The following LATS1 variants were observed in gnomAD, a reference collection of about 807,000 sequenced individuals.
LATS1 encodes the protein serine/threonine-protein kinase LATS1.
A neutral mutation model predicts 106.6 loss-of-function variants in LATS1; 25 were observed. The ratio of observed to expected loss-of-function variants is 0.23; its 90% CI spans 0.17 to 0.33. The LOEUF (loss-of-function observed/expected upper bound fraction) is 0.33, where lower values mean the gene tolerates loss of function less well. LATS1 is among the 10% of genes least tolerant of loss of function. LATS1 has a pLI of 1.00. For synonymous variants in LATS1, 465 were observed against 455.6 expected, an observed-to-expected ratio of 1.02 and a Z score of -0.26; for missense variants, 1,040 against 1,382.6, an observed-to-expected ratio of 0.75 and a Z score of 3.93.
At chr6:149,706,484 T>G (rs1783780200) in intron 1 of LATS1, among the ~76,000 whole-genome samples, 1 of 151,732 alleles carries the variant, frequency 6.6e-6, no homozygotes, top group Non-Finnish European at 1.5e-5. Flanking sequence ...CACTCCAGCC[T>G]AGGAGAGACA....
intron 1 of LATS1, among the ~76,000 whole-genome samples, chr6:149,708,393 C>CG: frequency 7.3e-6 from 1 of 136,606 alleles, no homozygotes; most frequent in South Asian, 2.3e-4. Context: ...CCAGCCTGGG[C>CG]GACAGAGCGA....
rs1457435764 is a variant in LATS1 at position 149,680,872 on chromosome 6, T to C, written c.2011-415A>G. 3.9e-5 allele frequency among the ~76,000 whole-genome samples: 6 copies of C among 152,144 alleles called. No individual in the cohort carries two copies. In the South Asian group the frequency reaches 1.2e-3, roughly 32 times the overall value. ...CTAGGCCTCAAATATTCTTCCTATT[T>C]TGTCTTTCATGAAAAAAAATTCTTC... On this transcript the variant is annotated intron_variant, in intron 4 of 7. Coordinates refer to ENST00000543571, the MANE Select transcript of LATS1 (RefSeq NM_004690.4).
intron 2 of LATS1, among the ~76,000 whole-genome samples, chr6:149,696,537 C>CA (rs1356321785): frequency 2.2e-5 from 2 of 92,068 alleles, no homozygotes; most frequent in Non-Finnish European, 3.9e-5. Flanking sequence ...CCAGCCTGGG[C>CA]AACAAGAGTA....
chr6:149,705,227 G>T (rs1783696797), intron 1 of LATS1, among the ~76,000 whole-genome samples: 2 of 152,088 alleles, frequency 1.3e-5, no homozygotes. Context: ...AAGGAAGCTG[G>T]TCCCTAAAGC....
In LATS1 at chr6:149,662,966, CAA is replaced by C. The variant is rs61479102; in HGVS notation, c.2884-730_2884-729del. ...GTGTGACAGAGCGAGACACTGTCTC[CAA>C]AAAAAAAAAAAAAAAAAAAGAAAAA... is the stretch of plus-strand genomic sequence containing the variant. On this transcript the variant is annotated intron_variant, in intron 7 of 7. Transcript: ENST00000543571. Among the ~76,000 whole-genome samples the C allele has an allele frequency of 5.4e-3, 515 of 96,248 alleles. 4 individuals are homozygous for C. The highest frequency in any genetic ancestry group is 0.017 in the African/African-American group (435 of 25,830). The allele number at this position is 96,248 out of a possible 152,430, so 63.1% of individuals were successfully genotyped here.
At chr6:149,704,492 TG>T (rs1251363251) in intron 1 of LATS1, among the ~76,000 whole-genome samples, 1,336 of 126,886 alleles carry the variant, frequency 0.011, 24 homozygotes, top group Middle Eastern at 0.07. Context: ...GTTTTTTTTT[TG>T]TTTTTTTTTT....
chr6:149,685,747 A>T (rs1782340462), intron 3 of LATS1, among the ~76,000 whole-genome samples: 2 of 152,322 alleles, frequency 1.3e-5, no homozygotes, highest in South Asian at 4.1e-4. Flanking sequence ...ATATTAAATA[A>T]AGTATAGATT....
At position 149,676,615 on chromosome 6, in the gene LATS1, G is replaced by A. The variant is rs753374537; in HGVS notation, c.2716C>T (p.Leu906=). The A allele has an allele frequency of 6.2e-7, 1 of 1,614,116 alleles. No homozygotes were observed. The highest frequency in any genetic ancestry group is 1.7e-5 in the Admixed American group (1 of 60,022). Residue 906 remains leucine (L), a synonymous_variant, in exon 6 of 8, where the codon CTA becomes TTA. Transcript: ENST00000543571. ...GGAGTCCCAACCAAAGAATGTGCTA[G>A]ACATCGCTGGTGCTGGCGTGCAGCT... ...RRAARQHQRC[L]AHSLVGTPNY... is the part of the protein sequence containing the mutation.
In LATS1 at chr6:149,688,019, C is replaced by T. The variant is rs960531167; in HGVS notation, c.497-3427G>A. 7.2e-5 allele frequency among the ~76,000 whole-genome samples: 11 copies of T among 152,022 alleles called. No individual in the cohort carries two copies. The East Asian group carries it at 1.4e-3, about 19-fold the overall frequency. ...CCTCCTGAGTAGCTAGGACTACAGG[C>T]GCCCACCACCACGCCCAGCTAAGGT... On this transcript the variant is annotated intron_variant, in intron 3 of 7. Coordinates refer to ENST00000543571, the MANE Select transcript of LATS1 (RefSeq NM_004690.4).
At chr6:149,680,525 G>T in intron 4 of LATS1, 68 bp from the exon 5 acceptor site, 3 of 1,173,030 alleles carry the variant, frequency 2.6e-6, no homozygotes, top group Non-Finnish European at 3.6e-6. Context: ...GAAATAGCTT[G>T]GGAAAAATTC....
chr6:149,670,166 C>T (rs1431445956), intron 7 of LATS1, among the ~76,000 whole-genome samples: 6 of 49,972 alleles, frequency 1.2e-4, no homozygotes, highest in Non-Finnish European at 2.1e-4. Flanking sequence ...AGTGAAATTG[C>T]ATCTCAAAAA....
At chr6:149,707,969 T>C (rs913060905) in intron 1 of LATS1, among the ~76,000 whole-genome samples, 1 of 152,100 alleles carries the variant, frequency 6.6e-6, no homozygotes, top group Admixed American at 6.6e-5. Flanking sequence ...CCTTGGCCTT[T>C]CTCTTTACTT....
intron 5 of LATS1, among the ~76,000 whole-genome samples, chr6:149,679,141 A>G (rs1380299813): frequency 6.6e-6 from 1 of 152,218 alleles, no homozygotes; most frequent in Non-Finnish European, 1.5e-5. Flanking sequence ...TTCTGAAATA[A>G]TAATTATCTT....
At chr6:149,689,146 C>A (rs6910796) in intron 3 of LATS1, among the ~76,000 whole-genome samples, 1 of 150,758 alleles carries the variant, frequency 6.6e-6, no homozygotes, top group Non-Finnish European at 1.5e-5. Flanking sequence ...CCAGTCTGGG[C>A]GACAGAGCAA....
At position 149,683,806 on chromosome 6, in the gene LATS1, C is replaced by T; in HGVS notation, c.1283G>A (p.Gly428Glu). ...TGACTGAGGCCAATTTGTTTGCAGT[C>T]CAGGTACACTAATGTTATATAGTTC... ...NMELYNISVP[G>E]LQTNWPQSSS... The change falls in exon 4 of 8, where the codon GGA becomes GAA. Residue 428 changes from glycine to glutamate, a missense_variant. Coordinates refer to ENST00000543571, the MANE Select transcript of LATS1 (RefSeq NM_004690.4). 1.2e-6 allele frequency: 2 copies of T among 1,613,818 alleles called. No individual in the cohort carries two copies. Among genetic ancestry groups the T allele is most frequent in the Non-Finnish European group, 1.7e-6 (2 of 1,180,010 alleles).
Position 149,717,951 on chromosome 6 carries a change from C to A in LATS1, c.-243G>T. The A allele has an allele frequency of 2.8e-6, 1 of 361,740 alleles. No homozygotes were observed. The highest frequency in any genetic ancestry group is 5.3e-6 in the Non-Finnish European group (1 of 188,654). 22.4% of individuals were successfully genotyped at this position (361,740 alleles called of 1,614,324 possible). A position where few individuals can be genotyped will look rare whatever the true frequency, so the allele number is the denominator to read the frequency against. ...GCAACCCCAAGTATCCCTGGTGGGGCAGAGCGGGGAGACGAACGGGGGGGC... is the reference window on the plus strand; with the variant it reads ...GCAACCCCAAGTATCCCTGGTGGGGAAGAGCGGGGAGACGAACGGGGGGGC... On this transcript the variant is annotated 5_prime_UTR_variant, in exon 1 of 8. Transcript: ENST00000543571.
At chr6:149,679,549 CAAAA>C (rs57395928) in intron 5 of LATS1, among the ~76,000 whole-genome samples, 3 of 66,188 alleles carry the variant, frequency 4.5e-5, no homozygotes, top group East Asian at 5.1e-4. Flanking sequence ...GAGACTCCAT[CAAAA>C]AAAAAAAAAA....
At chr6:149,678,129 G>A (rs1781823219) in intron 5 of LATS1, among the ~76,000 whole-genome samples, 2 of 125,400 alleles carry the variant, frequency 1.6e-5, no homozygotes, top group Non-Finnish European at 3.1e-5. Flanking sequence ...GACCGTCCTG[G>A]CTAACACGGT....
chr6:149,664,142 AG>A (rs1220056829), intron 7 of LATS1, among the ~76,000 whole-genome samples: 2 of 136,922 alleles, frequency 1.5e-5, no homozygotes, highest in East Asian at 5.1e-4. Context: ...AGGTATATTT[AG>A]GATTTTTCAG....
Sources: allele counts gnomAD v4.1 joint callset (sites outside exome capture counted in the v4.1 genomes callset), GRCh38; gene constraint gnomAD v4.1.1; transcripts MANE v1.5; gene names NCBI Gene and HGNC (gene_info 2026-07-23, HGNC 2026-07-21).